Variants in CDH10 observed in about 807,000 individuals in gnomAD.
CDH10 encodes the protein cadherin-10.
In CDH10, 30 loss-of-function variants were observed where a neutral mutation model predicts 73.1. That is an observed-to-expected ratio of 0.41 (90% CI 0.31 to 0.56). The LOEUF (loss-of-function observed/expected upper bound fraction) is 0.56, where lower values mean the gene tolerates loss of function less well. CDH10 is among the 20% of genes least tolerant of loss of function. The pLI is 0.27. For synonymous variants in CDH10, 345 were observed against 348.2 expected (o/e 0.99, Z 0.10); for missense variants, 815 against 973.7 (o/e 0.84, Z 2.17).
intron 11 of CDH10, among the ~76,000 whole-genome samples, chr5:24,490,016 TAAC>T (rs1741991648): frequency 2.0e-5 from 3 of 152,086 alleles, no homozygotes; most frequent in Non-Finnish European, 2.9e-5. Flanking sequence ...ATGAAAATAA[TAAC>T]ACCATACATG....
In CDH10 at chr5:24,487,621, TAG is replaced by T; in HGVS notation, c.*40_*41del. The T allele has an allele frequency of 6.4e-7, 1 of 1,551,172 alleles. No homozygotes were observed. The highest frequency in any genetic ancestry group is 8.7e-7 in the Non-Finnish European group (1 of 1,145,244). On this transcript the variant is annotated 3_prime_UTR_variant, in exon 12 of 12. Coordinates refer to ENST00000264463, the MANE Select transcript of CDH10 (RefSeq NM_006727.5). ...TATTGTGAAGTGGAGACAGCATGGG[TAG>T]AGTTACTTTCTCTTGTTTGAACAGA...
intron 1 of CDH10, among the ~76,000 whole-genome samples, chr5:24,623,968 A>G (rs1192395190): frequency 6.6e-6 from 1 of 152,122 alleles, no homozygotes; most frequent in Non-Finnish European, 1.5e-5. Context: ...TAAGAAATAC[A>G]TTCCTGTAAC....
rs1186507388 is a variant in CDH10 at position 24,644,904 on chromosome 5, G to C, written c.-434C>G. 1 of 152,028 alleles carries C rather than the reference G, an allele frequency of 6.6e-6. No homozygotes were observed. The highest frequency in any genetic ancestry group is 1.5e-5 in the Non-Finnish European group (1 of 68,038). The allele number at this position is 152,028 out of a possible 1,614,324, so 9.4% of individuals were successfully genotyped here. A position where few individuals can be genotyped will look rare whatever the true frequency, so the allele number is the denominator to read the frequency against. ...CGGAGAGAAAGGTTCTGCTGATAGAGCTGCAGCACTCGCCATGGGAAGGTT... is the reference window on the plus strand; with the variant it reads ...CGGAGAGAAAGGTTCTGCTGATAGACCTGCAGCACTCGCCATGGGAAGGTT... On this transcript the variant is annotated 5_prime_UTR_variant, in exon 1 of 12. Coordinates refer to ENST00000264463, the MANE Select transcript of CDH10 (RefSeq NM_006727.5).
intron 5 of CDH10, among the ~76,000 whole-genome samples, chr5:24,531,062 T>C (rs1177779886): frequency 6.6e-6 from 1 of 152,112 alleles, no homozygotes; most frequent in African/African-American, 2.4e-5. Flanking sequence ...ATAGACTCCC[T>C]TCAATTTCCA....
chr5:24,523,748 A>T (rs778082648), intron 5 of CDH10, among the ~76,000 whole-genome samples: 5 of 152,140 alleles, frequency 3.3e-5, no homozygotes, highest in Non-Finnish European at 5.9e-5. Flanking sequence ...GTGCAGAGAC[A>T]ATATTTGTTA....
intron 2 of CDH10, among the ~76,000 whole-genome samples, chr5:24,557,741 G>A (rs2111976520): frequency 6.6e-6 from 1 of 151,900 alleles, no homozygotes; most frequent in Middle Eastern, 3.4e-3. Context: ...GGCTTCTGCA[G>A]CAACTGATTG....
At chr5:24,520,429 A>G (rs1049812614) in intron 5 of CDH10, among the ~76,000 whole-genome samples, 1 of 152,218 alleles carries the variant, frequency 6.6e-6, no homozygotes, top group Non-Finnish European at 1.5e-5. Context: ...GAAGAGCTCA[A>G]TATATTTTTT....
At chr5:24,553,270 G>GT (rs1744618401) in intron 2 of CDH10, among the ~76,000 whole-genome samples, 1 of 151,896 alleles carries the variant, frequency 6.6e-6, no homozygotes, top group Non-Finnish European at 1.5e-5. Flanking sequence ...AAACTTTCTG[G>GT]TATTGTTCCT....
chr5:24,499,326 T>C (rs1444507361), intron 8 of CDH10: 1 of 152,642 alleles, frequency 6.6e-6, no homozygotes, highest in Non-Finnish European at 1.5e-5. Context: ...AGAAATAGCA[T>C]ACTAATCATA....
At chr5:24,558,522 T>C (rs1744845514) in intron 2 of CDH10, among the ~76,000 whole-genome samples, 1 of 151,718 alleles carries the variant, frequency 6.6e-6, no homozygotes, top group Non-Finnish European at 1.5e-5. Flanking sequence ...GTATTTTAAA[T>C]AAGTAAAAAT....
chr5:24,627,401 C>T (rs996949251), intron 1 of CDH10, among the ~76,000 whole-genome samples: 1 of 151,788 alleles, frequency 6.6e-6, no homozygotes, highest in Non-Finnish European at 1.5e-5. Context: ...AAATAAGTCA[C>T]CAATAAATAG....
intron 1 of CDH10, among the ~76,000 whole-genome samples, chr5:24,594,050 A>G (rs1041499315): frequency 6.6e-5 from 10 of 151,982 alleles, no homozygotes; most frequent in Non-Finnish European, 1.2e-4. Context: ...GTTTTTAAAC[A>G]GCAGCATCAT....
chr5:24,622,332 G>A (rs555984606), intron 1 of CDH10, among the ~76,000 whole-genome samples: 4 of 152,202 alleles, frequency 2.6e-5, no homozygotes, highest in East Asian at 3.9e-4. Context: ...ATATCTGATC[G>A]CAATTTGGCT....
intron 2 of CDH10, among the ~76,000 whole-genome samples, chr5:24,584,461 TTTTTG>T (rs1745914184): frequency 1.7e-5 from 1 of 59,392 alleles, no homozygotes; most frequent in Non-Finnish European, 4.0e-5. Context: ...TTTTTTTTTT[TTTTTG>T]TGTGTGTGTG....
intron 2 of CDH10, chr5:24,554,166 C>T (rs1401915746): frequency 8.6e-6 from 1 of 116,736 alleles, no homozygotes; most frequent in African/African-American, 2.9e-5. Context: ...TAGCCCCTCA[C>T]CTACCATTTG....
chr5:24,608,449 C>T (rs749084877), intron 1 of CDH10, among the ~76,000 whole-genome samples: 33 of 151,928 alleles, frequency 2.2e-4, no homozygotes, highest in African/African-American at 6.0e-4. Flanking sequence ...CGCACCACCA[C>T]GCCCAGCTAA....
intron 1 of CDH10, among the ~76,000 whole-genome samples, chr5:24,638,006 T>C (rs1747922913): frequency 6.6e-6 from 1 of 151,824 alleles, no homozygotes; most frequent in African/African-American, 2.4e-5. Flanking sequence ...AAGTCAAGAT[T>C]ATGGTTGCCA....
chr5:24,581,470 C>A (rs975621378), intron 2 of CDH10, among the ~76,000 whole-genome samples: 3 of 152,136 alleles, frequency 2.0e-5, no homozygotes, highest in African/African-American at 7.2e-5. Context: ...ACATTTGTAA[C>A]AACTATAAGA....
At chr5:24,529,942 C>T (rs1743670602) in intron 5 of CDH10, among the ~76,000 whole-genome samples, 2 of 151,054 alleles carry the variant, frequency 1.3e-5, no homozygotes, top group African/African-American at 4.9e-5. Context: ...AAACAATCTG[C>T]TTTCCTTGAC....
Sources: gnomAD v4.1 joint callset for allele counts (sites outside exome capture counted in the v4.1 genomes callset) on GRCh38, gnomAD v4.1.1 for gene constraint, MANE v1.5 for transcripts, NCBI Gene and HGNC (gene_info 2026-07-23, HGNC 2026-07-21) for gene names.